TRMT9B: variants seen among roughly 807,000 people sequenced by gnomAD.
TRMT9B encodes tRNA methyltransferase 9B (putative), also known as probable tRNA methyltransferase 9B.
Under a neutral mutation model 11.5 loss-of-function variants are expected in TRMT9B, and 16 were observed. That is an observed-to-expected ratio of 1.39 (90% CI 0.94 to 2.11). TRMT9B has a LOEUF of 2.11. Ranked by LOEUF, TRMT9B falls within the 30% of genes most tolerant of loss-of-function variation. The pLI is 0.00. For synonymous variants in TRMT9B, 274 were observed against 192.4 expected, an observed-to-expected ratio of 1.42 and a Z score of -3.51; for missense variants, 941 against 553.8, an observed-to-expected ratio of 1.70 and a Z score of -7.02.
intron 1 of TRMT9B, chr8:12,951,345 A>G (rs1800587266): frequency 6.6e-6 from 1 of 152,274 alleles, no homozygotes; most frequent in Non-Finnish European, 1.5e-5. Context: ...TTAAGTGAGA[A>G]GAGCCGCGCT....
At chr8:12,967,472 G>A (rs900631965) in intron 1 of TRMT9B, among the ~76,000 whole-genome samples, 7 of 152,294 alleles carry the variant, frequency 4.6e-5, no homozygotes, top group Non-Finnish European at 1.0e-4. Context: ...GTTTACCCCA[G>A]AGATTTTTCT....
At chr8:13,006,698 C>T in intron 3 of TRMT9B, 1 of 1,294,996 alleles carries the variant, frequency 7.7e-7, no homozygotes, top group Non-Finnish European at 9.9e-7. Context: ...GATGGAGTTT[C>T]ACTCTTGTCA....
intron 1 of TRMT9B, among the ~76,000 whole-genome samples, chr8:12,965,182 C>T (rs571052189): frequency 1.5e-4 from 23 of 152,336 alleles, no homozygotes; most frequent in African/African-American, 4.8e-4. Context: ...GTGGCACTTA[C>T]TCAGAACCAA....
At chr8:12,959,403 T>G (rs1247346351) in intron 1 of TRMT9B, among the ~76,000 whole-genome samples, 2 of 151,764 alleles carry the variant, frequency 1.3e-5, no homozygotes, top group African/African-American at 4.8e-5. Context: ...ATATAAATCA[T>G]AAATGTATGT....
At chr8:13,002,615 G>A (rs887452999) in intron 2 of TRMT9B, among the ~76,000 whole-genome samples, 39 of 152,112 alleles carry the variant, frequency 2.6e-4, no homozygotes, top group African/African-American at 6.5e-4. Flanking sequence ...AACCTATTAC[G>A]TTTTAAGAGT....
At chr8:13,016,501 C>A (rs1043753738) in intron 4 of TRMT9B, among the ~76,000 whole-genome samples, 3 of 151,304 alleles carry the variant, frequency 2.0e-5, no homozygotes, top group South Asian at 4.2e-4. Context: ...TATGTTGGCA[C>A]TTCCTGCTTA....
intron 1 of TRMT9B, among the ~76,000 whole-genome samples, chr8:12,984,273 A>G (rs1055305208): frequency 6.6e-6 from 1 of 152,234 alleles, no homozygotes; most frequent in Non-Finnish European, 1.5e-5. Flanking sequence ...AATCCAAAAT[A>G]CGAAACACTT....
intron 1 of TRMT9B, chr8:12,952,830 C>G (rs1800803857): frequency 4.2e-6 from 1 of 237,264 alleles, no homozygotes; most frequent in Non-Finnish European, 6.8e-6. Context: ...ACCTCCGCCT[C>G]CCGGGTTCAA....
chr8:12,972,180 C>G (rs533431169), intron 1 of TRMT9B, among the ~76,000 whole-genome samples: 1 of 152,136 alleles, frequency 6.6e-6, no homozygotes, highest in Non-Finnish European at 1.5e-5. Flanking sequence ...ATGGCAAGAA[C>G]AACAGCAGGA....
intron 4 of TRMT9B, among the ~76,000 whole-genome samples, chr8:13,017,163 C>G (rs1398011362): frequency 1.3e-5 from 2 of 152,042 alleles, no homozygotes; most frequent in Non-Finnish European, 2.9e-5. Context: ...GTCAATAGTA[C>G]TGATGTTTAA....
intron 4 of TRMT9B, among the ~76,000 whole-genome samples, chr8:13,016,810 A>G (rs1487256781): frequency 6.7e-6 from 1 of 149,904 alleles, no homozygotes; most frequent in Non-Finnish European, 1.5e-5. Context: ...TAATTGTCAC[A>G]ACTGGATATG....
intron 1 of TRMT9B, among the ~76,000 whole-genome samples, chr8:12,984,169 T>C (rs998850223): frequency 2.0e-5 from 3 of 152,226 alleles, no homozygotes; most frequent in Middle Eastern, 3.2e-3. Context: ...CCTCAGGCTA[T>C]GTATATAAGG....
Position 12,959,516 on chromosome 8 carries a change from C to CTTTTTTTTTTTTTTTTTTTTT in TRMT9B, c.-200+13553_-200+13573dup, listed in dbSNP as rs61536433. On this transcript the variant is annotated intron_variant, in intron 1 of 4. Transcript: ENST00000524591. ...TCTCCTCTCCTTTCCTTTTTCCTTC[C>CTTTTTTTTTTTTTTTTTTTTT]TTTTTTTTTTTTTTTTTTTTTTTGA... 1.3e-4 allele frequency among the ~76,000 whole-genome samples: 10 copies of CTTTTTTTTTTTTTTTTTTTTT among 74,934 alleles called. 1 individual carries two copies. The highest frequency in any genetic ancestry group is 1.6e-4 in the Non-Finnish European group (7 of 42,664). The allele number at this position is 74,934 out of a possible 152,430, so 49.2% of individuals were successfully genotyped here.
rs2947393 is a variant in TRMT9B at position 12,962,230 on chromosome 8, C to T, written c.-200+16264C>T. Reference sequence around the variant, plus strand: ...ACCATCATAACTATGGAAAAATGGGCTTCATCATATGCCATTCCCTTCAAA... The same window carrying T: ...ACCATCATAACTATGGAAAAATGGGTTTCATCATATGCCATTCCCTTCAAA... On this transcript the variant is annotated intron_variant, in intron 1 of 4. Coordinates refer to ENST00000524591, the MANE Select transcript of TRMT9B (RefSeq NM_020844.3). 2 of 152,360 alleles carry T rather than the reference C, an allele frequency of 1.3e-5. 1 individual carries two copies. The highest frequency in any genetic ancestry group is 1.3e-4 in the Admixed American group (2 of 15,302). The allele number at this position is 152,360 out of a possible 1,614,324, so 9.4% of individuals were successfully genotyped here.
chr8:13,021,242 A>T lies in TRMT9B; in HGVS notation c.563A>T (p.His188Leu). 6.2e-7 allele frequency: 1 copy of T among 1,613,976 alleles called. No homozygotes were observed. Among genetic ancestry groups the T allele is most frequent in the Non-Finnish European group, 8.5e-7 (1 of 1,179,876 alleles). Residue 188 changes from histidine (H) to leucine (L), a missense_variant, in exon 5 of 5, where the codon CAT becomes CTT. His to Leu is a moderately conservative substitution (Grantham distance 99). Coordinates refer to ENST00000524591, the MANE Select transcript of TRMT9B (RefSeq NM_020844.3). The part of the protein sequence containing the change: ...KRQCGYPERG[H>L]PYHPPCSECS... Reference sequence around the variant, plus strand: ...CAGTGTGGATACCCAGAAAGAGGCCATCCCTACCATCCTCCTTGCTCTGAG... The same window carrying T: ...CAGTGTGGATACCCAGAAAGAGGCCTTCCCTACCATCCTCCTTGCTCTGAG...
At chr8:12,980,178 C>T (rs775621661) in intron 1 of TRMT9B, among the ~76,000 whole-genome samples, 2 of 152,136 alleles carry the variant, frequency 1.3e-5, no homozygotes, top group Non-Finnish European at 2.9e-5. Context: ...ATGAAGTTGT[C>T]AGCGGGGCCT....
chr8:12,982,365 C>T (rs940596603), intron 1 of TRMT9B, among the ~76,000 whole-genome samples: 1 of 152,130 alleles, frequency 6.6e-6, no homozygotes, highest in Non-Finnish European at 1.5e-5. Flanking sequence ...GTCTGAAATT[C>T]AAATACATAA....
At chr8:12,996,419 A>G (rs768499320) in intron 2 of TRMT9B, among the ~76,000 whole-genome samples, 4 of 152,188 alleles carry the variant, frequency 2.6e-5, no homozygotes, top group South Asian at 2.1e-4. Flanking sequence ...CATTTAAGTT[A>G]CTTATTTCTT....
At chr8:12,974,284 CAA>C (rs1038940085) in intron 1 of TRMT9B, among the ~76,000 whole-genome samples, 1 of 151,922 alleles carries the variant, frequency 6.6e-6, no homozygotes, top group African/African-American at 2.4e-5. Context: ...AAGGATGCAA[CAA>C]GAGAAGAAAC....
Sources: gnomAD v4.1 joint callset for allele counts (sites outside exome capture counted in the v4.1 genomes callset) on GRCh38, gnomAD v4.1.1 for gene constraint, MANE v1.5 for transcripts, NCBI Gene and HGNC (gene_info 2026-07-23, HGNC 2026-07-21) for gene names.